ZNF718: variants seen among roughly 807,000 people sequenced by gnomAD.
ZNF718 encodes zinc finger protein 718.
ZNF718 carries 3 observed loss-of-function variants against 2.6 expected under a neutral mutation model. The observed-to-expected ratio is 1.16, with a 90% CI of 0.53 to 3.01. The LOEUF (loss-of-function observed/expected upper bound fraction) is 3.01. Ranked by LOEUF, ZNF718 falls within the 30% of genes most tolerant of loss-of-function variation. ZNF718 has a pLI of 0.03. For synonymous variants in ZNF718, 135 were observed against 77.9 expected, an observed-to-expected ratio of 1.73 and a Z score of -3.86; for missense variants, 468 against 230.0, an observed-to-expected ratio of 2.03 and a Z score of -6.69.
chr4:148,059 A>T (rs2108792885), intron 3 of ZNF718, among the ~76,000 whole-genome samples: 2 of 152,258 alleles, frequency 1.3e-5, no homozygotes, highest in African/African-American at 2.4e-5. Flanking sequence ...CTGCTTCAGG[A>T]TACACAGCTA....
intron 3 of ZNF718, among the ~76,000 whole-genome samples, chr4:198,740 TG>T (rs1352007340): frequency 6.6e-6 from 1 of 152,224 alleles, no homozygotes; most frequent in Non-Finnish European, 1.5e-5. Context: ...GATGTTAGAA[TG>T]CTGCTGGAGG....
chr4:150,431 A>T (rs1005682903), intron 3 of ZNF718: 1 of 152,040 alleles, frequency 6.6e-6, no homozygotes, highest in Non-Finnish European at 1.5e-5. Context: ...ATATCCAAAA[A>T]TGATTGCCAA....
At chr4:160,642 C>T (rs1241341573) in intron 3 of ZNF718, among the ~76,000 whole-genome samples, 1 of 152,086 alleles carries the variant, frequency 6.6e-6, no homozygotes, top group African/African-American at 2.4e-5. Context: ...CTCTACCTCC[C>T]GGGTTCAAGG....
downstream of ZNF718, among the ~76,000 whole-genome samples, chr4:167,171 CATT>C (rs1717108429): frequency 6.6e-6 from 1 of 151,970 alleles, no homozygotes; most frequent in Non-Finnish European, 1.5e-5. Context: ...AGATATGTGG[CATT>C]ATTTTTGAGG....
At chr4:145,595 TG>T (rs1247610863) in intron 3 of ZNF718, among the ~76,000 whole-genome samples, 18 of 152,260 alleles carry the variant, frequency 1.2e-4, no homozygotes, top group Middle Eastern at 3.4e-3. Context: ...CCTGAGTAGC[TG>T]GGACTACAAG....
chr4:186,469 G>A (rs1717567953), intron 3 of ZNF718, among the ~76,000 whole-genome samples: 1 of 152,100 alleles, frequency 6.6e-6, no homozygotes, highest in Non-Finnish European at 1.5e-5. Context: ...CTTGGGAATG[G>A]TCTTTTCATG....
At chr4:137,217 C>T (rs559032357) in intron 3 of ZNF718, among the ~76,000 whole-genome samples, 28 of 152,082 alleles carry the variant, frequency 1.8e-4, no homozygotes, top group African/African-American at 6.3e-4. Context: ...GCCTGCAGAA[C>T]CACGAGCCAA....
intron 3 of ZNF718, among the ~76,000 whole-genome samples, chr4:196,095 T>G (rs1553821954): frequency 6.6e-6 from 1 of 152,128 alleles, no homozygotes; most frequent in African/African-American, 2.4e-5. Context: ...CAACCTGATC[T>G]ATTATTTGCC....
chr4:162,696 C>T lies in ZNF718; in HGVS notation c.*574C>T, dbSNP rs1290030810. ...CTAGAAGAAAACCCTGAAGCAGTTG[C>T]CCAAACTTTCTTTGACATTAGAGAA... On this transcript the variant is annotated 3_prime_UTR_variant, in exon 4 of 4. Transcript: ENST00000510175. The T allele has an allele frequency of 6.6e-5, 10 of 152,004 alleles. No homozygotes were observed. The highest frequency in any genetic ancestry group is 2.2e-4 in the African/African-American group (9 of 41,392). 9.4% of individuals were successfully genotyped at this position (152,004 alleles called of 1,614,324 possible).
chr4:154,461 T>C (rs1421874678), intron 3 of ZNF718, among the ~76,000 whole-genome samples: 1 of 152,146 alleles, frequency 6.6e-6, no homozygotes, highest in Non-Finnish European at 1.5e-5. Context: ...GTGCTAATAA[T>C]GATATGGACA....
At chr4:136,180 A>G (rs1352079878) in intron 3 of ZNF718, among the ~76,000 whole-genome samples, 2 of 152,116 alleles carry the variant, frequency 1.3e-5, no homozygotes, top group Non-Finnish European at 2.9e-5. Flanking sequence ...TTGTCTGCGT[A>G]TGATAGGCCA....
intron 3 of ZNF718, among the ~76,000 whole-genome samples, chr4:189,240 C>T (rs1388973333): frequency 2.0e-5 from 3 of 151,750 alleles, no homozygotes; most frequent in Non-Finnish European, 4.4e-5. Context: ...TAAATGTTTT[C>T]ATTGGGTATT....
At chr4:136,439 G>C (rs1553809344) in intron 3 of ZNF718, 1 of 521,852 alleles carries the variant, frequency 1.9e-6, no homozygotes, top group Non-Finnish European at 3.8e-6. Context: ...CTGTAGCTGA[G>C]AGGAGTTTGA....
intron 3 of ZNF718, among the ~76,000 whole-genome samples, chr4:190,256 C>T (rs1174946901): frequency 4.6e-5 from 7 of 151,672 alleles, no homozygotes; most frequent in Non-Finnish European, 8.8e-5. Flanking sequence ...CAGTGAAACC[C>T]CGCCTGTACT....
chr4:163,188 C>CT lies in ZNF718; in HGVS notation c.*1081dup, dbSNP rs781913646. On this transcript the variant is annotated 3_prime_UTR_variant, in exon 4 of 4. Coordinates refer to ENST00000510175, the MANE Select transcript of ZNF718 (RefSeq NM_001039127.6). ...TTTTTAGGTGGGCATCATTCATGAA[C>CT]TTTTTTTTTTTTTTTGAGACGGAGT... 0.018 allele frequency: 2,591 copies of CT among 144,102 alleles called. 80 individuals carry two copies. The highest frequency in any genetic ancestry group is 0.12 in the East Asian group (577 of 4,972). 8.9% of individuals were successfully genotyped at this position (144,102 alleles called of 1,614,324 possible). A position where few individuals can be genotyped will look rare whatever the true frequency, so the allele number is the denominator to read the frequency against.
chr4:190,703 A>G (rs868975879), intron 3 of ZNF718, among the ~76,000 whole-genome samples: 1 of 152,270 alleles, frequency 6.6e-6, no homozygotes. Flanking sequence ...ATATAACCAC[A>G]AATATACATT....
chr4:124,755 G>A, intron 1 of ZNF718, 82 bp downstream of exon 1: 1 of 1,563,922 alleles, frequency 6.4e-7, no homozygotes, highest in Non-Finnish European at 8.7e-7. Context: ...GGAGGAGTCT[G>A]TGAATGGAGT....
Position 124,573 on chromosome 4 carries a change from T to G in ZNF718, c.-98T>G. ...TCTGCTCCCGCTCCTTAGGGAAGCC[T>G]CGGTGATTCTGCCACAGCCTCAGCC... On this transcript the variant is annotated 5_prime_UTR_variant, in exon 1 of 4. Coordinates refer to ENST00000510175, the MANE Select transcript of ZNF718 (RefSeq NM_001039127.6). The G allele has an allele frequency of 6.5e-7, 1 of 1,548,704 alleles. No individual in the cohort carries two copies. The highest frequency in any genetic ancestry group is 8.8e-7 in the Non-Finnish European group (1 of 1,134,766).
At position 148,610 on chromosome 4, in the gene ZNF718, C is replaced by CAAA. The variant is rs33957522; in HGVS notation, c.227-12281_227-12279dup. 3.3e-3 allele frequency among the ~76,000 whole-genome samples: 245 copies of CAAA among 74,480 alleles called. 4 individuals carry two copies. Among genetic ancestry groups the CAAA allele is most frequent in the African/African-American group, 0.012 (229 of 19,336 alleles). 48.9% of individuals were successfully genotyped at this position (74,480 alleles called of 152,430 possible). A position where few individuals can be genotyped will look rare whatever the true frequency, so the allele number is the denominator to read the frequency against. The stretch of plus-strand genomic sequence containing the variant: ...AAGGTGACAGAGTGAGACTCTGTCT[C>CAAA]AAAAAAAAAAAAAAAAAAAAAAATC... On this transcript the variant is annotated intron_variant, in intron 3 of 3. Transcript: ENST00000510175.
Sources: allele counts gnomAD v4.1 joint callset (sites outside exome capture counted in the v4.1 genomes callset), GRCh38; gene constraint gnomAD v4.1.1; transcripts MANE v1.5; gene names NCBI Gene and HGNC (gene_info 2026-07-23, HGNC 2026-07-21).